Variants in COL12A1 observed in about 807,000 individuals in gnomAD.
COL12A1 encodes the protein collagen alpha-1(XII) chain.
COL12A1 carries 114 observed loss-of-function variants against 349.7 expected under a neutral mutation model. The ratio of observed to expected loss-of-function variants is 0.33; its 90% CI spans 0.28 to 0.38. COL12A1 has a LOEUF of 0.38. Among genes scored for constraint, COL12A1 ranks in the 10% least tolerant of loss-of-function variants. The pLI is 1.00. For synonymous variants in COL12A1, 1,369 were observed against 1,329.0 expected, an observed-to-expected ratio of 1.03 and a Z score of -0.66; for missense variants, 3,284 against 3,756.9, an observed-to-expected ratio of 0.87 and a Z score of 3.29.
At position 75,183,254 on chromosome 6, in the gene COL12A1, T is replaced by G; in HGVS notation, c.1687A>C (p.Lys563Gln). 1 of 1,614,192 alleles carries G rather than the reference T, an allele frequency of 6.2e-7. No individual in the cohort carries two copies. The part of the protein sequence containing the change: ...SSDAFRDPAI[K>Q]LRNSDVEIFA... ...ATTTCAACATCTGAATTCCTCAGTT[T>G]TATCGCAGGATCTCTGAAAGCATCT... Residue 563 changes from lysine (K) to glutamine (Q), a missense_variant, in exon 10 of 66, where the codon AAA becomes CAA. Coordinates refer to ENST00000322507, the MANE Select transcript of COL12A1 (RefSeq NM_004370.6).
intron 47 of COL12A1, 127 bp from the exon 48 acceptor site, chr6:75,116,184 C>G (rs1237472735): frequency 1.1e-6 from 1 of 878,682 alleles, no homozygotes; most frequent in East Asian, 2.7e-5. Flanking sequence ...AATAACTTCT[C>G]AATTTAATAT....
At position 75,189,103 on chromosome 6, in the gene COL12A1, G is replaced by T. The variant is rs185966568; in HGVS notation, c.823+114C>A. On this transcript the variant is annotated intron_variant, in intron 7 of 65. Transcript: ENST00000322507. ...GTCTTTAATATTACACTATAAAAAT[G>T]CAGTAAACACTTCTAATAGCATCCT... 1,150 of 1,117,476 alleles carry T rather than the reference G, an allele frequency of 1.0e-3. 2 individuals carry two copies. Among genetic ancestry groups the T allele is most frequent in the Admixed American group, 1.3e-3 (46 of 35,362 alleles). 69.2% of individuals were successfully genotyped at this position (1,117,476 alleles called of 1,614,324 possible).
intron 63 of COL12A1, among the ~76,000 whole-genome samples, chr6:75,089,481 T>C (rs1264336373): frequency 6.6e-6 from 1 of 152,232 alleles, no homozygotes; most frequent in African/African-American, 2.4e-5. Context: ...TAATATCTCA[T>C]TGAAAAACAT....
intron 52 of COL12A1, among the ~76,000 whole-genome samples, chr6:75,107,248 C>T (rs2149350778): frequency 6.6e-6 from 1 of 151,910 alleles, no homozygotes; most frequent in African/African-American, 2.4e-5. Context: ...TTGAAGCCCA[C>T]ACACATTTCA....
rs1307541747 is a variant in COL12A1, at chr6:75,139,045, A to G, written c.4958-84T>C. 2.8e-5 allele frequency: 41 copies of G among 1,479,226 alleles called. 1 individual carries two copies. Among genetic ancestry groups the G allele is most frequent in the East Asian group, 2.5e-4 (11 of 44,164 alleles). The allele number at this position is 1,479,226 out of a possible 1,614,324, so 91.6% of individuals were successfully genotyped here. ...AATATAATAAAAACTGCCTTGTTTTATATTAATGGACATCTGAAAACTGAT... is the reference window on the plus strand; with the variant it reads ...AATATAATAAAAACTGCCTTGTTTTGTATTAATGGACATCTGAAAACTGAT... On this transcript the variant is annotated intron_variant, in intron 27 of 65. Transcript: ENST00000322507.
intron 1 of COL12A1, among the ~76,000 whole-genome samples, chr6:75,203,252 T>A (rs942003178): frequency 9.2e-5 from 14 of 152,232 alleles, no homozygotes. Context: ...ACTTTAGTGG[T>A]CTCAGGGTAA....
chr6:75,156,344 G>A lies in COL12A1; in HGVS notation c.3163C>T (p.Leu1055Phe), dbSNP rs749775444. 6.2e-7 allele frequency: 1 copy of A among 1,613,932 alleles called. No homozygotes were observed. The highest frequency in any genetic ancestry group is 1.1e-5 in the South Asian group (1 of 91,080). Residue 1055 changes from leucine to phenylalanine, a missense_variant, in exon 15 of 66, where the codon CTT becomes TTT. Coordinates refer to ENST00000322507, the MANE Select transcript of COL12A1 (RefSeq NM_004370.6). ...ATGTCATATGTGGTCTGTGGCTGAA[G>A]TCGCTTTAACACTGTCGAAGTGACT... ...PTVTSTVLKR[L>F]QPQTTYDITV... is the part of the protein sequence containing the mutation.
chr6:75,204,786 A>T (rs1770697678), intron 1 of COL12A1, among the ~76,000 whole-genome samples: 1 of 151,994 alleles, frequency 6.6e-6, no homozygotes, highest in African/African-American at 2.4e-5. Flanking sequence ...AGAAAATCAC[A>T]CACACACACA....
At position 75,112,461 on chromosome 6, in the gene COL12A1, CTAAG is replaced by C. The variant is rs538486967; in HGVS notation, c.7950+739_7950+742del. Among the ~76,000 whole-genome samples, 236 of 151,514 alleles carry C rather than the reference CTAAG, an allele frequency of 1.6e-3. 1 individual carries two copies. The highest frequency in any genetic ancestry group is 2.0e-3 in the Non-Finnish European group (137 of 67,624). The stretch of plus-strand genomic sequence containing the variant: ...CTAATGCTTCTAACTTCAGTATTTT[CTAAG>C]TAAGAAGTGCTTCTTATTTGTCAAC... On this transcript the variant is annotated intron_variant, in intron 51 of 65. Transcript: ENST00000322507.
rs373809121 is a variant in COL12A1 at position 75,201,857 on chromosome 6, G to T, written c.73+863C>A. 2.9e-4 allele frequency among the ~76,000 whole-genome samples: 44 copies of T among 151,900 alleles called. No individual in the cohort carries two copies. In the South Asian group the frequency reaches 4.4e-3, roughly 15 times the overall value. ...AAAGCCCTCCATTTTCTAGAGGAGGGGCCACACGGCGCCGTTTTGGAAACC... is the reference window on the plus strand; with the variant it reads ...AAAGCCCTCCATTTTCTAGAGGAGGTGCCACACGGCGCCGTTTTGGAAACC... On this transcript the variant is annotated intron_variant, in intron 2 of 65. Coordinates refer to ENST00000322507, the MANE Select transcript of COL12A1 (RefSeq NM_004370.6).
intron 58 of COL12A1, among the ~76,000 whole-genome samples, chr6:75,101,025 T>G (rs1277595505): frequency 6.6e-6 from 1 of 152,168 alleles, no homozygotes; most frequent in East Asian, 1.9e-4. Flanking sequence ...TCTTATTAAC[T>G]TATCCTAGAG....
chr6:75,201,883 C>A (rs998272392), intron 2 of COL12A1, among the ~76,000 whole-genome samples: 4 of 152,210 alleles, frequency 2.6e-5, no homozygotes, highest in African/African-American at 9.6e-5. Flanking sequence ...TTTGGAAACC[C>A]ATCTCGGAGC....
At chr6:75,134,459 T>A (rs1345277975) in intron 32 of COL12A1, among the ~76,000 whole-genome samples, 1 of 151,794 alleles carries the variant, frequency 6.6e-6, no homozygotes, top group Admixed American at 6.6e-5. Context: ...TAATCCCAGC[T>A]ATTCGGGAGC....
At chr6:75,150,681 T>G (rs1767435298) in intron 21 of COL12A1, among the ~76,000 whole-genome samples, 1 of 152,072 alleles carries the variant, frequency 6.6e-6, no homozygotes, top group Admixed American at 6.6e-5. Flanking sequence ...CCAATAGCAA[T>G]GTAGTAACTA....
At chr6:75,140,291 A>G (rs1211737153) in intron 27 of COL12A1, among the ~76,000 whole-genome samples, 1 of 152,196 alleles carries the variant, frequency 6.6e-6, no homozygotes, top group East Asian at 1.9e-4. Context: ...AATAAATGAA[A>G]TTGCTAAGAG....
At chr6:75,112,597 T>C (rs932490189) in intron 51 of COL12A1, among the ~76,000 whole-genome samples, 3 of 151,728 alleles carry the variant, frequency 2.0e-5, no homozygotes, top group Admixed American at 6.6e-5. Context: ...CTAGAATGCA[T>C]CTTAGAACTT....
At position 75,189,728 on chromosome 6, in the gene COL12A1, T is replaced by A; in HGVS notation, c.482A>T (p.Asp161Val). 1 of 1,613,320 alleles carries A rather than the reference T, an allele frequency of 6.2e-7. No individual in the cohort carries two copies. The highest frequency in any genetic ancestry group is 8.5e-7 in the Non-Finnish European group (1 of 1,179,422). The change falls in exon 6 of 66, where the codon GAC (aspartate) becomes GTC (valine). Residue 161 changes from aspartate (D) to valine (V), a missense_variant. Physicochemically the swap from Asp to Val is radical, Grantham distance 152. This residue lies in a region of COL12A1 where 2,601 missense variants were observed against 2,824.8 expected (regional missense o/e 0.92). Transcript: ENST00000322507. ...VGRNNFKYIL[D>V]FIAALVSAFD... Reference sequence around the variant, plus strand: ...AGCAGACACAAGAGCAGCAATGAAGTCTAAAATGTACTTGAAATTATTTCT... The same window carrying A: ...AGCAGACACAAGAGCAGCAATGAAGACTAAAATGTACTTGAAATTATTTCT...
At chr6:75,182,443 T>C (rs930790383) in intron 10 of COL12A1, among the ~76,000 whole-genome samples, 4 of 151,726 alleles carry the variant, frequency 2.6e-5, no homozygotes, top group Non-Finnish European at 5.9e-5. Flanking sequence ...CTCCCACATA[T>C]GAGTGAGAAC....
rs780813814 is a variant in COL12A1 at position 75,103,790 on chromosome 6, A to G, written c.8286T>C (p.Gly2762=). 7 of 1,613,306 alleles carry G rather than the reference A, an allele frequency of 4.3e-6. No homozygotes were observed. Among genetic ancestry groups the G allele is most frequent in the Non-Finnish European group, 5.9e-6 (7 of 1,179,432 alleles). Residue 2762 remains glycine (G), a synonymous_variant, in exon 55 of 66, where the codon GGT becomes GGC. Coordinates refer to ENST00000322507, the MANE Select transcript of COL12A1 (RefSeq NM_004370.6). ...CACTGATACCTCTTTCACCTCTGGG[A>G]CCTTTAGCACCAGGTCCTCCCTAAA... ...PGPAGGPGAK[G]PRGERGISGA...
Sources: allele counts gnomAD v4.1 joint callset (sites outside exome capture counted in the v4.1 genomes callset), GRCh38; gene constraint gnomAD v4.1.1; regional missense constraint gnomAD v4.1.1; transcripts MANE v1.5; gene names NCBI Gene and HGNC (gene_info 2026-07-23, HGNC 2026-07-21).